Variants in IRAG2 observed in about 807,000 individuals in gnomAD.
IRAG2 encodes the protein inositol 1,4,5-triphosphate receptor associated 2.
Under a neutral mutation model 69.9 loss-of-function variants are expected in IRAG2, and 45 were observed. That is an observed-to-expected ratio of 0.64 (90% CI 0.51 to 0.83). The LOEUF (loss-of-function observed/expected upper bound fraction) is 0.83, where lower values mean the gene tolerates loss of function less well. IRAG2 is among the 40% of genes least tolerant of loss of function. The probability of loss-of-function intolerance (pLI) is 0.00; values close to 1 mark genes in which losing one functional copy is unlikely to be tolerated. For synonymous variants in IRAG2, 193 were observed against 202.4 expected, an observed-to-expected ratio of 0.95 and a Z score of 0.40; for missense variants, 520 against 587.0, an observed-to-expected ratio of 0.89 and a Z score of 1.18.
At chr12:25,017,179 C>T (rs1261092132) in exon 6 of IRAG2, 7 of 1,231,816 alleles carry the variant, frequency 5.7e-6, no homozygotes, top group Non-Finnish European at 4.0e-6. Flanking sequence ...TTCATTTCAA[C>T]AAAAGAAAAC....
Position 25,108,271 on chromosome 12 carries a change from T to TA in IRAG2, c.*213dup. 3.5e-6 allele frequency: 2 copies of TA among 576,224 alleles called. No homozygotes were observed. The highest frequency in any genetic ancestry group is 5.7e-5 in the East Asian group (2 of 34,952). The allele number at this position is 576,224 out of a possible 1,614,324, so 35.7% of individuals were successfully genotyped here. ...GCCTATGATCTTTGAATGAGCTTTT[T>TA]AAGGAAGAAATATTATATATTGTTT... On this transcript the variant is annotated 3_prime_UTR_variant, in exon 22 of 22. Coordinates refer to ENST00000556887, the MANE Select transcript of IRAG2 (RefSeq NM_001366544.2).
In IRAG2 at chr12:25,083,491, C is replaced by A. The variant is rs773352602; in HGVS notation, c.313C>A (p.Leu105Met). The A allele has an allele frequency of 5.7e-6, 9 of 1,586,050 alleles. No homozygotes were observed. In the Middle Eastern group the frequency reaches 1.0e-3, roughly 176 times the overall value. The change falls in exon 10 of 22, where the codon CTG becomes ATG. Residue 105 changes from leucine to methionine, a missense_variant and splice_region_variant. By Grantham distance (15) the Leu-to-Met change is conservative (BLOSUM62 2). Coordinates refer to ENST00000556887, the MANE Select transcript of IRAG2 (RefSeq NM_001366544.2). ...GAGTAAGGATAAAACCATATTAAAT[C>A]TGGTAAGGAAATACGTATGTTCACA... Reference protein sequence around the residue: ...STSKDKTILNLEAKEEPETIE... With the variant: ...STSKDKTILNMEAKEEPETIE...
At chr12:25,013,136 A>G (rs975825864) in intron 3 of IRAG2, among the ~76,000 whole-genome samples, 1 of 152,200 alleles carries the variant, frequency 6.6e-6, no homozygotes, top group Non-Finnish European at 1.5e-5. Flanking sequence ...GCAAGTTAGC[A>G]TAGCTTTTTT....
In IRAG2 at chr12:25,099,256, G is replaced by A. The variant is rs185037700; in HGVS notation, c.742-1922G>A. Among the ~76,000 whole-genome samples the A allele has an allele frequency of 3.6e-3, 550 of 152,186 alleles. 4 individuals carry two copies. The highest frequency in any genetic ancestry group is 0.02 in the Middle Eastern group (6 of 294). On this transcript the variant is annotated intron_variant, in intron 15 of 21. Transcript: ENST00000556887. ...AAACTCAAACCTACCATTCAAAACT[G>A]ACTGTTCATGGTCCCCCCACCAAAC...
intron 2 of IRAG2, chr12:25,006,461 T>C (rs1453531695): frequency 6.6e-6 from 1 of 152,138 alleles, no homozygotes; most frequent in African/African-American, 2.4e-5. Flanking sequence ...AGAAAAGACA[T>C]GGAATCAACC....
At chr12:25,016,943 G>A (rs1467111244) in intron 5 of IRAG2, among the ~76,000 whole-genome samples, 1 of 151,600 alleles carries the variant, frequency 6.6e-6, no homozygotes, top group South Asian at 2.1e-4. Context: ...CATCTTTGAT[G>A]CTATTGTAAT....
chr12:25,027,487 C>T (rs866312317), intron 9 of IRAG2, among the ~76,000 whole-genome samples: 4 of 150,884 alleles, frequency 2.7e-5, no homozygotes, highest in South Asian at 4.2e-4. Context: ...CTCTGCCTTC[C>T]GTGTTCACGC....
intron 9 of IRAG2, among the ~76,000 whole-genome samples, chr12:25,029,506 T>C (rs574454214): frequency 6.6e-6 from 1 of 152,328 alleles, no homozygotes; most frequent in South Asian, 2.1e-4. Flanking sequence ...CTTCTGACCA[T>C]GATGATTATT....
chr12:25,041,479 T>C (rs1490235513), intron 16 of IRAG2, among the ~76,000 whole-genome samples: 1 of 152,062 alleles, frequency 6.6e-6, no homozygotes, highest in Non-Finnish European at 1.5e-5. Context: ...AGTTTTCTTT[T>C]CTTTTGTTTT....
chr12:25,097,130 A>G (rs1948465098), intron 15 of IRAG2, 86 bp downstream of exon 15: 1 of 1,354,128 alleles, frequency 7.4e-7, no homozygotes, highest in Non-Finnish European at 9.9e-7. Flanking sequence ...ACTTCTAGGA[A>G]TAAGTTTTAA....
At position 25,019,693 on chromosome 12, in the gene IRAG2, G is replaced by A. The variant is rs187996762; in HGVS notation, c.1215-1097G>A. On this transcript the variant is annotated intron_variant, in intron 6 of 38. Transcript: ENST00000636465. ...CATTCAGGTGGGAAATCAGGGATGC[G>A]AAGTTCTCATTTAAGGCCATGGGTC... is the stretch of plus-strand genomic sequence containing the variant. Among the ~76,000 whole-genome samples the A allele has an allele frequency of 3.4e-4, 52 of 152,250 alleles. 1 individual carries two copies. Among genetic ancestry groups the A allele is most frequent in the Admixed American group, 1.0e-3 (16 of 15,300 alleles).
chr12:25,033,940 C>T, exon 13 of IRAG2: 1 of 398,974 alleles, frequency 2.5e-6, no homozygotes, highest in Non-Finnish European at 4.4e-6. Flanking sequence ...CTTGCTCAGT[C>T]TGCAGAGGTA....
chr12:25,076,102 A>C (rs1468569844), intron 6 of IRAG2, among the ~76,000 whole-genome samples: 2 of 152,106 alleles, frequency 1.3e-5, no homozygotes, highest in Non-Finnish European at 2.9e-5. Context: ...TCTTTACTCT[A>C]GTTAGTCTCA....
chr12:25,105,034 T>C (rs1474504636), intron 20 of IRAG2, among the ~76,000 whole-genome samples: 1 of 150,526 alleles, frequency 6.6e-6, no homozygotes, highest in East Asian at 1.9e-4. Context: ...AGTCCTTGGG[T>C]GACATTAGAA....
intron 14 of IRAG2, among the ~76,000 whole-genome samples, chr12:25,036,149 ACT>A (rs1389394294): frequency 1.3e-5 from 2 of 151,830 alleles, no homozygotes; most frequent in Non-Finnish European, 2.9e-5. Flanking sequence ...TTCACTGGAA[ACT>A]CTGGATGATT....
At chr12:25,091,173 A>G (rs1055792177) in intron 14 of IRAG2, 2 of 171,660 alleles carry the variant, frequency 1.2e-5, no homozygotes, top group Admixed American at 6.3e-5. Flanking sequence ...TATCATCTTG[A>G]ACATCTTCAA....
At chr12:25,033,631 A>G (rs1944685024) in intron 12 of IRAG2, 1 of 359,722 alleles carries the variant, frequency 2.8e-6, no homozygotes, top group Non-Finnish European at 4.9e-6. Flanking sequence ...TCTTTTAAAA[A>G]CTGTGGCCTG....
chr12:25,082,063 T>TA (rs1410072705), intron 9 of IRAG2, among the ~76,000 whole-genome samples: 5 of 151,124 alleles, frequency 3.3e-5, no homozygotes, highest in South Asian at 2.1e-4. Flanking sequence ...TTTGACTAAT[T>TA]AAAAAAAAAT....
At chr12:25,106,315 C>T (rs2140276242) in intron 20 of IRAG2, among the ~76,000 whole-genome samples, 1 of 147,322 alleles carries the variant, frequency 6.8e-6, no homozygotes, top group Non-Finnish European at 1.5e-5. Flanking sequence ...ATGTACACAT[C>T]CATATACAAA....
Sources: gnomAD v4.1 joint callset for allele counts (sites outside exome capture counted in the v4.1 genomes callset) on GRCh38, gnomAD v4.1.1 for gene constraint, MANE v1.5 for transcripts, NCBI Gene and HGNC (gene_info 2026-07-23, HGNC 2026-07-21) for gene names.